The following ZBTB38 variants were observed in gnomAD, a reference collection of about 807,000 sequenced individuals.
The protein encoded by ZBTB38 is zinc finger and BTB domain-containing protein 38.
A neutral mutation model predicts 76.8 loss-of-function variants in ZBTB38; 20 were observed. The observed-to-expected ratio is 0.26, with a 90% CI of 0.18 to 0.38. The LOEUF (loss-of-function observed/expected upper bound fraction) is 0.38, where lower values mean the gene tolerates loss of function less well. Among genes scored for constraint, ZBTB38 ranks in the 10% least tolerant of loss-of-function variants. ZBTB38 has a pLI of 1.00. For missense variants in ZBTB38, 1,082 were observed against 1,482.3 expected, an observed-to-expected ratio of 0.73 and a Z score of 4.43; for synonymous variants, 504 against 544.2, an observed-to-expected ratio of 0.93 and a Z score of 1.03.
intron 1 of ZBTB38, among the ~76,000 whole-genome samples, chr3:141,343,614 T>G (rs1386946191): frequency 2.6e-5 from 4 of 152,158 alleles, no homozygotes; most frequent in Non-Finnish European, 5.9e-5. Context: ...TACAGATCAA[T>G]CCAGGATAAT....
chr3:141,334,077 A>C (rs191517121), intron 1 of ZBTB38, among the ~76,000 whole-genome samples: 2 of 152,318 alleles, frequency 1.3e-5, no homozygotes, highest in African/African-American at 4.8e-5. Context: ...AATGGGACGC[A>C]TACATCTCTC....
rs924216822 is a variant in ZBTB38, at chr3:141,432,168, G to A, written c.1-10221G>A. ...TTTCCGCAGGGAATAACAGACCTGC[G>A]CAGTAGATTTCACTTTGATATGGCC... On this transcript the variant is annotated intron_variant, in intron 5 of 5. Coordinates refer to ENST00000321464, the MANE Select transcript of ZBTB38 (RefSeq NM_001376113.1). The A allele has an allele frequency of 5.6e-5, 55 of 985,370 alleles. No individual in the cohort carries two copies. The African/African-American group carries it at 9.1e-4, about 16-fold the overall frequency. 61.0% of individuals were successfully genotyped at this position (985,370 alleles called of 1,614,324 possible).
chr3:141,344,214 T>A (rs1943276537), intron 1 of ZBTB38, among the ~76,000 whole-genome samples: 1 of 152,162 alleles, frequency 6.6e-6, no homozygotes, highest in Non-Finnish European at 1.5e-5. Flanking sequence ...AGGTCAGAAG[T>A]CCATCATGGG....
At chr3:141,424,826 A>G (rs2076092858) in intron 5 of ZBTB38, among the ~76,000 whole-genome samples, 1 of 152,316 alleles carries the variant, frequency 6.6e-6, no homozygotes, top group South Asian at 2.1e-4. Context: ...CACATTCCCT[A>G]ATTTGGGGCC....
At chr3:141,337,651 AGGTTTGAT>A (rs1227003291) in intron 1 of ZBTB38, among the ~76,000 whole-genome samples, 5 of 152,224 alleles carry the variant, frequency 3.3e-5, no homozygotes, top group Non-Finnish European at 5.9e-5. Context: ...CTAAGGAAGC[AGGTTTGAT>A]GATCCCCTTT....
intron 1 of ZBTB38, among the ~76,000 whole-genome samples, chr3:141,342,690 T>TA (rs1160583804): frequency 1.5e-5 from 2 of 136,724 alleles, no homozygotes; most frequent in Admixed American, 7.7e-5. Flanking sequence ...TAGCCCGAAA[T>TA]AAAAAAACTA....
At chr3:141,405,408 AC>A (rs1954016806) in intron 5 of ZBTB38, among the ~76,000 whole-genome samples, 1 of 152,216 alleles carries the variant, frequency 6.6e-6, no homozygotes, top group Non-Finnish European at 1.5e-5. Flanking sequence ...CATTCTCGTT[AC>A]CTGCTTATAG....
At chr3:141,441,032 C>CA (rs202075469) in intron 5 of ZBTB38, among the ~76,000 whole-genome samples, 6,416 of 64,078 alleles carry the variant, frequency 0.1, 308 homozygotes, top group African/African-American at 0.19. Flanking sequence ...GACTCAATCT[C>CA]AAAAAAAAAA....
intron 1 of ZBTB38, among the ~76,000 whole-genome samples, chr3:141,342,622 A>G (rs1943231406): frequency 6.6e-6 from 1 of 151,068 alleles, no homozygotes; most frequent in Admixed American, 6.6e-5. Context: ...CCACACCCAG[A>G]TTGTAGGGGA....
chr3:141,425,188 C>T (rs984460750), intron 5 of ZBTB38, among the ~76,000 whole-genome samples: 3 of 152,164 alleles, frequency 2.0e-5, no homozygotes, highest in African/African-American at 7.2e-5. Context: ...ATCGTAGAGC[C>T]CTGTTTTAAG....
upstream of ZBTB38, among the ~76,000 whole-genome samples, chr3:141,367,909 C>T (rs557333062): frequency 4.6e-5 from 7 of 152,290 alleles, no homozygotes; most frequent in African/African-American, 1.7e-4. Context: ...ATATAAATAT[C>T]CCCTTTAAAG....
At chr3:141,349,715 G>C (rs967732699) in intron 1 of ZBTB38, among the ~76,000 whole-genome samples, 6 of 152,070 alleles carry the variant, frequency 3.9e-5, no homozygotes, top group African/African-American at 1.4e-4. Context: ...GGGCAACAGA[G>C]TGAGACTCTG....
chr3:141,374,963 G>A (rs1945157176), intron 2 of ZBTB38, among the ~76,000 whole-genome samples: 1 of 152,184 alleles, frequency 6.6e-6, no homozygotes, highest in African/African-American at 2.4e-5. Context: ...GGTATTGGAA[G>A]CTCTGAGGAG....
At chr3:141,359,114 G>A (rs947706853) in intron 1 of ZBTB38, among the ~76,000 whole-genome samples, 5 of 152,216 alleles carry the variant, frequency 3.3e-5, no homozygotes, top group African/African-American at 1.2e-4. Context: ...TCTGGAAGTA[G>A]GTGGTTCTCG....
intron 4 of ZBTB38, chr3:141,403,030 C>T (rs529461471): frequency 9.2e-5 from 14 of 152,344 alleles, no homozygotes; most frequent in African/African-American, 3.4e-4. Context: ...AAGGTCTGCT[C>T]TGTTGGTACA....
intron 2 of ZBTB38, among the ~76,000 whole-genome samples, chr3:141,375,730 G>A (rs936097039): frequency 2.6e-5 from 4 of 152,222 alleles, no homozygotes; most frequent in African/African-American, 9.6e-5. Flanking sequence ...GTCAAGGCAG[G>A]GATGAGTTGA....
At chr3:141,356,558 A>T (rs1943670038) in intron 1 of ZBTB38, among the ~76,000 whole-genome samples, 1 of 152,276 alleles carries the variant, frequency 6.6e-6, no homozygotes, top group South Asian at 2.1e-4. Context: ...ACCAAGCATC[A>T]GGGAAACAAA....
At chr3:141,379,087 T>G (rs1945828070) in intron 2 of ZBTB38, among the ~76,000 whole-genome samples, 1 of 152,228 alleles carries the variant, frequency 6.6e-6, no homozygotes, top group African/African-American at 2.4e-5. Flanking sequence ...CTCTGGGCCT[T>G]GTGCCACAGC....
In ZBTB38 at chr3:141,444,502, C is replaced by G. The variant is rs753040966; in HGVS notation, c.2114C>G (p.Ser705Cys). ...AGTAATAGCAGTGAGAATGCCGCCT[C>G]TGTGATCAGCTACAGTGGCTCTGCA... ...SLSNSSENAA[S>C]VISYSGSAPS... is the part of the protein sequence containing the mutation. The change falls in exon 6 of 6, where the codon TCT (serine) becomes TGT (cysteine). Residue 705 changes from serine (S) to cysteine (C), a missense_variant. Physicochemically the swap from Ser to Cys is moderately radical, Grantham distance 112 (BLOSUM62 -1). Around this residue, in one of 8 missense-constraint regions of ZBTB38, gnomAD observed 471 missense variants for 581.0 expected, o/e 0.81. Coordinates refer to ENST00000321464, the MANE Select transcript of ZBTB38 (RefSeq NM_001376113.1). The surrounding 1 kb of genome is among the most constrained non-coding windows in gnomAD (Gnocchi z 5.1). 6.2e-7 allele frequency: 1 copy of G among 1,614,170 alleles called. No homozygotes were observed. Among genetic ancestry groups the G allele is most frequent in the Non-Finnish European group, 8.5e-7 (1 of 1,180,038 alleles).
Sources: gnomAD v4.1 joint callset for allele counts (sites outside exome capture counted in the v4.1 genomes callset) on GRCh38, gnomAD v4.1.1 for gene constraint, gnomAD v4.1.1 regional missense constraint, Gnocchi (gnomAD v3.1) non-coding constraint, MANE v1.5 for transcripts, NCBI Gene and HGNC (gene_info 2026-07-23, HGNC 2026-07-21) for gene names.